The following ZNF865 variants were observed in gnomAD, a reference collection of about 807,000 sequenced individuals.
ZNF865 encodes zinc finger protein 865.
For synonymous variants in ZNF865, 763 were observed against 750.8 expected, an observed-to-expected ratio of 1.02 and a Z score of -0.27; for missense variants, 1,311 against 1,593.4, an observed-to-expected ratio of 0.82 and a Z score of 3.02.
At chr19:55,612,971 C>G (rs187154005) in intron 1 of ZNF865, 1 of 152,196 alleles carries the variant, frequency 6.6e-6, no homozygotes, top group South Asian at 2.1e-4. Flanking sequence ...GGGATGAGGA[C>G]GGAGGGCTGT....
Position 55,614,310 on chromosome 19 carries a change from A to C in ZNF865, c.692A>C (p.Lys231Thr). 2.7e-6 allele frequency: 4 copies of C among 1,507,902 alleles called. No individual in the cohort carries two copies. The highest frequency in any genetic ancestry group is 3.5e-6 in the Non-Finnish European group (4 of 1,133,406). The allele number at this position is 1,507,902 out of a possible 1,614,324, so 93.4% of individuals were successfully genotyped here. The change falls in exon 2 of 2, where the codon AAG (lysine) becomes ACG (threonine). Residue 231 changes from lysine (K) to threonine (T), a missense_variant. Coordinates refer to ENST00000568956, the MANE Select transcript of ZNF865 (RefSeq NM_001195605.2). This position sits in a 1 kb window ranked among gnomAD's most constrained non-coding sequence, Gnocchi z 8.0. ...ERRFPCGVCQ[K>T]SFKQSSHLVQ... Reference sequence around the variant, plus strand: ...CGCTTCCCCTGCGGCGTGTGCCAGAAGTCCTTCAAGCAGTCCTCGCACCTG... The same window carrying C: ...CGCTTCCCCTGCGGCGTGTGCCAGACGTCCTTCAAGCAGTCCTCGCACCTG...
chr19:55,609,329 G>C (rs906984901), intron 1 of ZNF865, among the ~76,000 whole-genome samples: 7 of 152,080 alleles, frequency 4.6e-5, no homozygotes, highest in Non-Finnish European at 7.4e-5. Flanking sequence ...CCTGACTTTG[G>C]AAGTTTAATT....
intron 1 of ZNF865, among the ~76,000 whole-genome samples, chr19:55,610,104 G>C (rs1270998813): frequency 6.6e-6 from 1 of 152,194 alleles, no homozygotes; most frequent in Non-Finnish European, 1.5e-5. Flanking sequence ...CTGGGAGTTT[G>C]ATCAGCTTAG....
At chr19:55,606,173 AC>A (rs1980934032) in intron 1 of ZNF865, among the ~76,000 whole-genome samples, 1 of 152,088 alleles carries the variant, frequency 6.6e-6, no homozygotes, top group African/African-American at 2.4e-5. Context: ...TTGCAGCAGA[AC>A]TGTCCCCCGT....
Position 55,615,264 on chromosome 19 carries a change from C to G in ZNF865, c.1646C>G (p.Thr549Arg). 6.6e-7 allele frequency: 1 copy of G among 1,522,624 alleles called. No homozygotes were observed. Among genetic ancestry groups the G allele is most frequent in the Non-Finnish European group, 8.8e-7 (1 of 1,142,058 alleles). 94.3% of individuals were successfully genotyped at this position (1,522,624 alleles called of 1,614,324 possible). A position where few individuals can be genotyped will look rare whatever the true frequency, so the allele number is the denominator to read the frequency against. ...GGSGASVPGKTFCCGICGRGF... is the reference protein window; with the variant it reads ...GGSGASVPGKRFCCGICGRGF... Reference sequence around the variant, plus strand: ...TCGGGCGCCAGCGTCCCAGGAAAGACGTTCTGCTGCGGCATCTGCGGGCGC... The same window carrying G: ...TCGGGCGCCAGCGTCCCAGGAAAGAGGTTCTGCTGCGGCATCTGCGGGCGC... The change falls in exon 2 of 2, where the codon ACG becomes AGG. Residue 549 changes from threonine to arginine, a missense_variant. Physicochemically the swap from Thr to Arg is moderately conservative, Grantham distance 71. Coordinates refer to ENST00000568956, the MANE Select transcript of ZNF865 (RefSeq NM_001195605.2).
Position 55,615,801 on chromosome 19 carries a change from C to T in ZNF865, c.2183C>T (p.Pro728Leu). The change falls in exon 2 of 2, where the codon CCG becomes CTG. Residue 728 changes from proline (P) to leucine (L), a missense_variant. Physicochemically the swap from Pro to Leu is moderately conservative, Grantham distance 98. Transcript: ENST00000568956. Reference protein sequence around the residue: ...VHQAAPERLLPPAPGGLQPPD... With the variant: ...VHQAAPERLLLPAPGGLQPPD... ...CAGGCCGCCCCCGAGCGCCTGCTCCCGCCCGCACCCGGCGGCCTGCAGCCC... is the reference window on the plus strand; with the variant it reads ...CAGGCCGCCCCCGAGCGCCTGCTCCTGCCCGCACCCGGCGGCCTGCAGCCC... 6.6e-7 allele frequency: 1 copy of T among 1,512,530 alleles called. No homozygotes were observed. The highest frequency in any genetic ancestry group is 8.8e-7 in the Non-Finnish European group (1 of 1,136,412). 93.7% of individuals were successfully genotyped at this position (1,512,530 alleles called of 1,614,324 possible).
intron 1 of ZNF865, among the ~76,000 whole-genome samples, chr19:55,609,586 C>T (rs1489989341): frequency 6.6e-6 from 1 of 152,240 alleles, no homozygotes; most frequent in East Asian, 1.9e-4. Context: ...GACCTGGAAT[C>T]AGTTACCTGC....
Position 55,614,941 on chromosome 19 carries a change from C to A in ZNF865, c.1323C>A (p.Tyr441Ter). ...GAGAGGPRPVYPCDLCGKSYS... is the reference protein window; with the variant it reads ...GAGAGGPRPV ...GCGCCGGGGGGCCTCGGCCCGTGTA[C>A]CCCTGCGACCTGTGCGGCAAGTCCT... The change falls in exon 2 of 2, where the codon TAC becomes TAA. Residue 441 changes from tyrosine (Y) to a stop codon, truncating the protein, a stop_gained. Coordinates refer to ENST00000568956, the MANE Select transcript of ZNF865 (RefSeq NM_001195605.2). LOFTEE classifies it low-confidence loss of function (END_TRUNC). The surrounding 1 kb of genome is among the most constrained non-coding windows in gnomAD (Gnocchi z 8.0). 6.8e-7 allele frequency: 1 copy of A among 1,478,222 alleles called. No individual in the cohort carries two copies. The allele number at this position is 1,478,222 out of a possible 1,614,324, so 91.6% of individuals were successfully genotyped here.
In ZNF865 at chr19:55,614,951, C is replaced by T. The variant is rs2123592542; in HGVS notation, c.1333C>T (p.Leu445=). The T allele has an allele frequency of 6.8e-7, 1 of 1,477,746 alleles. No individual in the cohort carries two copies. The highest frequency in any genetic ancestry group is 8.9e-7 in the Non-Finnish European group (1 of 1,121,292). 91.5% of individuals were successfully genotyped at this position (1,477,746 alleles called of 1,614,324 possible). The change falls in exon 2 of 2, where the codon CTG becomes TTG. Residue 445 remains leucine (L), a synonymous_variant. Coordinates refer to ENST00000568956, the MANE Select transcript of ZNF865 (RefSeq NM_001195605.2). The surrounding 1 kb of genome is among the most constrained non-coding windows in gnomAD (Gnocchi z 8.0). ...GGPRPVYPCD[L]CGKSYSAPQS... ...GCCTCGGCCCGTGTACCCCTGCGAC[C>T]TGTGCGGCAAGTCCTACTCGGCTCC...
chr19:55,606,048 C>A (rs977898543), intron 1 of ZNF865, among the ~76,000 whole-genome samples: 1 of 152,294 alleles, frequency 6.6e-6, no homozygotes, highest in East Asian at 1.9e-4. Context: ...ATTGCTTCCT[C>A]CAGGTCAGCC....
In ZNF865 at chr19:55,614,814, C is replaced by T. The variant is rs1474712835; in HGVS notation, c.1196C>T (p.Thr399Met). 3.2e-6 allele frequency: 5 copies of T among 1,540,816 alleles called. No homozygotes were observed. Among genetic ancestry groups the T allele is most frequent in the Admixed American group, 2.0e-5 (1 of 51,044 alleles). ...GAGAGTCTGAAGCGCCACGTGAAGA[C>T]GCACTCGGCCGACCTCCTGCGCCTG... ...RRESLKRHVK[T>M]HSADLLRLPC... Residue 399 changes from threonine (T) to methionine (M), a missense_variant, in exon 2 of 2, where the codon ACG (threonine) becomes ATG (methionine). Transcript: ENST00000568956. This position sits in a 1 kb window ranked among gnomAD's most constrained non-coding sequence, Gnocchi z 8.0.
At position 55,614,821 on chromosome 19, in the gene ZNF865, G is replaced by C. The variant is rs768949605; in HGVS notation, c.1203G>C (p.Ser401=). The change falls in exon 2 of 2, where the codon TCG becomes TCC. Residue 401 remains serine (S), a synonymous_variant. Coordinates refer to ENST00000568956, the MANE Select transcript of ZNF865 (RefSeq NM_001195605.2). The surrounding 1 kb of genome is among the most constrained non-coding windows in gnomAD (Gnocchi z 8.0). ...TGAAGCGCCACGTGAAGACGCACTC[G>C]GCCGACCTCCTGCGCCTGCCCTGCG... The part of the protein sequence containing the change: ...ESLKRHVKTH[S]ADLLRLPCGI... 54 of 1,539,662 alleles carry C rather than the reference G, an allele frequency of 3.5e-5. 1 individual carries two copies. In the African/African-American group the frequency reaches 5.5e-4, roughly 16 times the overall value.
rs1447752170 is a variant in ZNF865, at chr19:55,615,968, G to T, written c.2350G>T (p.Gly784Cys). The change falls in exon 2 of 2, where the codon GGT (glycine) becomes TGT (cysteine). Residue 784 changes from glycine to cysteine, a missense_variant. Physicochemically the swap from Gly to Cys is radical, Grantham distance 159. Transcript: ENST00000568956. ...GGCGGCGGTGGCAGGTGCTGGCGGG[G>T]GTGCCAGTTCCGGCCCCGAGCGCTT... ...GGAAVAGAGG[G>C]ASSGPERFSC... The T allele has an allele frequency of 6.6e-7, 1 of 1,515,716 alleles. No individual in the cohort carries two copies. The highest frequency in any genetic ancestry group is 1.2e-5 in the South Asian group (1 of 81,448). The allele number at this position is 1,515,716 out of a possible 1,614,324, so 93.9% of individuals were successfully genotyped here.
rs1011044827 is a variant in ZNF865 at position 55,611,715 on chromosome 19, A to T, written c.-26-1878A>T. Among the ~76,000 whole-genome samples the T allele has an allele frequency of 6.6e-6, 1 of 151,694 alleles. No individual in the cohort carries two copies. The highest frequency in any genetic ancestry group is 1.5e-5 in the Non-Finnish European group (1 of 67,918). ...CCAGGCCTTGGTAGGAACCCCCTTG[A>T]CCCCCATAGCGGGCTGGGCTTAGAG... On this transcript the variant is annotated intron_variant, in intron 1 of 1. Transcript: ENST00000568956. The surrounding 1 kb of genome is among the most constrained non-coding windows in gnomAD (Gnocchi z 4.5).
Position 55,616,802 on chromosome 19 carries a change from A to G in ZNF865, c.*4A>G, listed in dbSNP as rs1391772207. 2 of 1,440,464 alleles carry G rather than the reference A, an allele frequency of 1.4e-6. No individual in the cohort carries two copies. The highest frequency in any genetic ancestry group is 5.6e-5 in the Admixed American group (2 of 35,790). The allele number at this position is 1,440,464 out of a possible 1,614,324, so 89.2% of individuals were successfully genotyped here. On this transcript the variant is annotated 3_prime_UTR_variant, in exon 2 of 2. Transcript: ENST00000568956. ...CTTGGCCGGGAAGGATGCCTGACCG[A>G]GGGGTTCCCATCCCACTCCCATCAA...
chr19:55,616,586 C>G lies in ZNF865; in HGVS notation c.2968C>G (p.Arg990Gly). 6.5e-7 allele frequency: 1 copy of G among 1,528,436 alleles called. No individual in the cohort carries two copies. The highest frequency in any genetic ancestry group is 8.7e-7 in the Non-Finnish European group (1 of 1,143,258). 94.7% of individuals were successfully genotyped at this position (1,528,436 alleles called of 1,614,324 possible). Residue 990 changes from arginine to glycine, a missense_variant, in exon 2 of 2, where the codon CGC becomes GGC. By Grantham distance (125) the Arg-to-Gly change is moderately radical. Transcript: ENST00000568956. ...RAHEPPRPEL[R>G]CPACLKAFKD... is the part of the protein sequence containing the mutation. ...CCATGAGCCGCCGCGGCCCGAGCTC[C>G]GCTGCCCCGCCTGCCTCAAGGCCTT...
rs1028029091 is a variant in ZNF865, at chr19:55,611,169, G to A, written c.-26-2424G>A. Among the ~76,000 whole-genome samples the A allele has an allele frequency of 1.3e-5, 2 of 152,218 alleles. No individual in the cohort carries two copies. The highest frequency in any genetic ancestry group is 1.9e-4 in the East Asian group (1 of 5,182). On this transcript the variant is annotated intron_variant, in intron 1 of 1. Transcript: ENST00000568956. This position sits in a 1 kb window ranked among gnomAD's most constrained non-coding sequence, Gnocchi z 4.5. ...GCCTTAGTTTTCTAATTTATCCAAC[G>A]GCGGGAACAGCTGCCCCTATTTAGA...
At chr19:55,613,445 G>T (rs1981209115) in intron 1 of ZNF865, 148 bp from the exon 2 acceptor site, 6 of 691,122 alleles carry the variant, frequency 8.7e-6, no homozygotes, top group Non-Finnish European at 1.4e-5. Context: ...TGCCCTTTGG[G>T]GTGGACAGGC....
rs1026091109 is a variant in ZNF865 at position 55,605,662 on chromosome 19, C to G, written c.-97C>G. ...AGGGGGCGGCACTTCCGGTCGGGCCCTCGGGTCTCCCCGGAGCGGCGGCGC... is the reference window on the plus strand; with the variant it reads ...AGGGGGCGGCACTTCCGGTCGGGCCGTCGGGTCTCCCCGGAGCGGCGGCGC... On this transcript the variant is annotated 5_prime_UTR_variant, in exon 1 of 2. Coordinates refer to ENST00000568956, the MANE Select transcript of ZNF865 (RefSeq NM_001195605.2). 1 of 152,116 alleles carries G rather than the reference C, an allele frequency of 6.6e-6. No individual in the cohort carries two copies. The highest frequency in any genetic ancestry group is 1.5e-5 in the Non-Finnish European group (1 of 67,988). The allele number at this position is 152,116 out of a possible 1,614,324, so 9.4% of individuals were successfully genotyped here.
Sources: gnomAD v4.1 joint callset for allele counts (sites outside exome capture counted in the v4.1 genomes callset) on GRCh38, gnomAD v4.1.1 for gene constraint, Gnocchi (gnomAD v3.1) non-coding constraint, MANE v1.5 for transcripts, NCBI Gene and HGNC (gene_info 2026-07-23, HGNC 2026-07-21) for gene names.